The following ABCB11 variants were observed in gnomAD, a reference collection of about 807,000 sequenced individuals.
ABCB11 encodes the protein bile salt export pump.
In ABCB11, 95 loss-of-function variants were observed where a neutral mutation model predicts 148.0. That is an observed-to-expected ratio of 0.64 (90% confidence interval 0.54 to 0.76). ABCB11 has a LOEUF of 0.76. Ranked by LOEUF, ABCB11 falls within the 30% of genes least tolerant of loss-of-function variation. The pLI is 0.00. For missense variants in ABCB11, 1,523 were observed against 1,617.8 expected (o/e 0.94, Z 1.01); for synonymous variants, 591 against 555.4 (o/e 1.06, Z -0.90).
At chr2:168,983,034 C>A (rs184980828) in intron 10 of ABCB11, among the ~76,000 whole-genome samples, 1 of 152,082 alleles carries the variant, frequency 6.6e-6, no homozygotes, top group Non-Finnish European at 1.5e-5. Context: ...GCTCACTGTA[C>A]AATGGGCAGG....
chr2:168,966,937 C>G (rs1015954218), intron 17 of ABCB11, among the ~76,000 whole-genome samples: 13 of 151,834 alleles, frequency 8.6e-5, no homozygotes, highest in African/African-American at 3.1e-4. Context: ...TTAATGTTCA[C>G]ATTAAAATGG....
chr2:168,981,472 G>T (rs1441587175), intron 10 of ABCB11, among the ~76,000 whole-genome samples: 2 of 152,054 alleles, frequency 1.3e-5, no homozygotes, highest in African/African-American at 2.4e-5. Flanking sequence ...TATTTCATAG[G>T]ATTATTACAG....
At chr2:168,963,569 G>T (rs1319339384) in intron 18 of ABCB11, among the ~76,000 whole-genome samples, 2 of 151,706 alleles carry the variant, frequency 1.3e-5, no homozygotes, top group East Asian at 1.9e-4. Context: ...AAGAAATTGT[G>T]TATTGCTATA....
intron 21 of ABCB11, 100 bp from the exon 22 acceptor site, chr2:168,936,533 A>G: frequency 2.9e-6 from 3 of 1,043,464 alleles, no homozygotes; most frequent in South Asian, 2.9e-5. Context: ...TTGTGATAAA[A>G]TATACATAAC....
intron 25 of ABCB11, among the ~76,000 whole-genome samples, chr2:168,928,545 C>T (rs571759674): frequency 3.9e-5 from 6 of 152,174 alleles, no homozygotes; most frequent in Non-Finnish European, 8.8e-5. Flanking sequence ...ACAAAATATA[C>T]TGTGCCTATG....
chr2:168,927,027 A>C, intron 26 of ABCB11, 129 bp downstream of exon 26: 1 of 891,290 alleles, frequency 1.1e-6, no homozygotes. Flanking sequence ...GGCATTCAAA[A>C]ATTTTTGAAT....
chr2:169,003,684 G>T (rs573746922), intron 5 of ABCB11, among the ~76,000 whole-genome samples: 18 of 152,156 alleles, frequency 1.2e-4, no homozygotes, highest in Middle Eastern at 6.8e-3. Flanking sequence ...TTTCCATAGT[G>T]GTTGTACTAG....
In ABCB11 at chr2:168,986,308, C is replaced by T. The variant is rs371495700; in HGVS notation, c.909-24G>A. The T allele has an allele frequency of 2.8e-4, 447 of 1,597,094 alleles. 1 individual carries two copies. In the East Asian group the frequency reaches 3.2e-3, roughly 11 times the overall value. ...ACCTGTGAAGACAAAATGCTTGAGTCAATTTCGGCAGAAACAGCTCAAGTT... is the reference window on the plus strand; with the variant it reads ...ACCTGTGAAGACAAAATGCTTGAGTTAATTTCGGCAGAAACAGCTCAAGTT... On this transcript the variant is annotated intron_variant, in intron 9 of 27. Coordinates refer to ENST00000650372, the MANE Select transcript of ABCB11 (RefSeq NM_003742.4).
intron 8 of ABCB11, among the ~76,000 whole-genome samples, 181 bp from the exon 9 acceptor site, chr2:168,991,106 G>A (rs1337522275): frequency 6.6e-6 from 1 of 152,072 alleles, no homozygotes; most frequent in African/African-American, 2.4e-5. Context: ...TTCATCCAGG[G>A]TTGTCTGGTT....
At chr2:168,978,689 A>G (rs1055438914) in intron 11 of ABCB11, among the ~76,000 whole-genome samples, 4 of 151,230 alleles carry the variant, frequency 2.6e-5, no homozygotes, top group African/African-American at 9.7e-5. Flanking sequence ...AGAACAACAG[A>G]TTGCCAACTT....
chr2:169,002,607 T>A lies in ABCB11; in HGVS notation c.390-5885A>T, dbSNP rs1334112634. On this transcript the variant is annotated intron_variant, in intron 5 of 27. Coordinates refer to ENST00000650372, the MANE Select transcript of ABCB11 (RefSeq NM_003742.4). ...GATAATGGAATATTATTCAGCCTTT[T>A]AAAAAAATCCTGTCCTTTGCAACAA... 3.3e-5 allele frequency among the ~76,000 whole-genome samples: 5 copies of A among 152,248 alleles called. No homozygotes were observed. In the South Asian group the frequency reaches 1.0e-3, roughly 32 times the overall value.
downstream of ABCB11, among the ~76,000 whole-genome samples, chr2:168,919,816 C>A (rs1691023748): frequency 6.6e-6 from 1 of 151,820 alleles, no homozygotes; most frequent in Non-Finnish European, 1.5e-5. Flanking sequence ...GTCAAGAGGT[C>A]CTATGTCATT....
intron 21 of ABCB11, among the ~76,000 whole-genome samples, chr2:168,943,435 G>A (rs1692160045): frequency 1.3e-5 from 2 of 151,856 alleles, no homozygotes; most frequent in South Asian, 2.1e-4. Flanking sequence ...AAAACCTAGG[G>A]GAAAAACGTA....
At position 168,958,833 on chromosome 2, in the gene ABCB11, C is replaced by A. The variant is rs567111512; in HGVS notation, c.2179-705G>T. Among the ~76,000 whole-genome samples, 5 of 151,694 alleles carry A rather than the reference C, an allele frequency of 3.3e-5. No individual in the cohort carries two copies. In the East Asian group the frequency reaches 9.8e-4, roughly 30 times the overall value. On this transcript the variant is annotated intron_variant, in intron 18 of 27. Coordinates refer to ENST00000650372, the MANE Select transcript of ABCB11 (RefSeq NM_003742.4). ...GACCTCCGTTGTCTTTTTTGGCCAT[C>A]GTTTTTCCTTGCTATGGATACTACT...
At chr2:168,969,785 C>T (rs1693489508) in intron 15 of ABCB11, among the ~76,000 whole-genome samples, 1 of 152,008 alleles carries the variant, frequency 6.6e-6, no homozygotes, top group Non-Finnish European at 1.5e-5. Context: ...TTTTAGGTAA[C>T]TTAAAAAATA....
At position 168,990,352 on chromosome 2, in the gene ABCB11, T is replaced by A. The variant is rs189433581; in HGVS notation, c.908+449A>T. 2.0e-3 allele frequency among the ~76,000 whole-genome samples: 308 copies of A among 152,240 alleles called. 3 individuals are homozygous for A. The highest frequency in any genetic ancestry group is 6.8e-3 in the Middle Eastern group (2 of 294). On this transcript the variant is annotated intron_variant, in intron 9 of 27. Transcript: ENST00000650372. ...GATTCAACCTTGGCAGGTTGTATTT[T>A]TATAGGAATTTATCCATTTCTTCTA...
At chr2:168,983,924 C>T (rs945544898) in intron 10 of ABCB11, among the ~76,000 whole-genome samples, 4 of 151,880 alleles carry the variant, frequency 2.6e-5, no homozygotes, top group Non-Finnish European at 5.9e-5. Flanking sequence ...TCCCTGACCT[C>T]GTAGATTTTA....
rs757829395 is a variant in ABCB11 at position 168,971,831 on chromosome 2, G to T, written c.1638+16C>A. 13 of 1,610,296 alleles carry T rather than the reference G, an allele frequency of 8.1e-6. No individual in the cohort carries two copies. The highest frequency in any genetic ancestry group is 1.7e-4 in the Middle Eastern group (1 of 5,922). On this transcript the variant is annotated intron_variant, in intron 14 of 27. Transcript: ENST00000650372. The stretch of plus-strand genomic sequence containing the variant: ...TGACCTCTTAGTTTCTCCCAGGAAT[G>T]TATGGCTAGGGGTACCTGTGGCAGG...
chr2:168,996,002 C>T (rs1297229930), intron 6 of ABCB11, among the ~76,000 whole-genome samples: 1 of 118,112 alleles, frequency 8.5e-6, no homozygotes, highest in Non-Finnish European at 1.8e-5. Context: ...AAAAAAAAGC[C>T]TGTCATTAAA....
Sources: allele counts gnomAD v4.1 joint callset (sites outside exome capture counted in the v4.1 genomes callset), GRCh38; gene constraint gnomAD v4.1.1; transcripts MANE v1.5; gene names NCBI Gene and HGNC (gene_info 2026-07-23, HGNC 2026-07-21).